Variants in NMNAT2 observed in about 807,000 individuals in gnomAD.
The protein encoded by NMNAT2 is nicotinamide/nicotinic acid mononucleotide adenylyltransferase 2.
In NMNAT2, 11 loss-of-function variants were observed where a neutral mutation model predicts 41.6. The ratio of observed to expected loss-of-function variants is 0.26; its 90% CI spans 0.17 to 0.44. The LOEUF (loss-of-function observed/expected upper bound fraction) is 0.44. Among genes scored for constraint, NMNAT2 ranks in the 20% least tolerant of loss-of-function variants. NMNAT2 has a pLI of 1.00. For synonymous variants in NMNAT2, 148 were observed against 151.2 expected (o/e 0.98, Z 0.16); for missense variants, 288 against 407.7 (o/e 0.71, Z 2.53).
chr1:183,275,599 G>A (rs1661101424), intron 8 of NMNAT2, among the ~76,000 whole-genome samples: 1 of 151,664 alleles, frequency 6.6e-6, no homozygotes, highest in Non-Finnish European at 1.5e-5. Flanking sequence ...AGCATAGCTA[G>A]GATGGGTGTC....
chr1:183,385,676 G>A (rs1648222515), intron 1 of NMNAT2, among the ~76,000 whole-genome samples: 1 of 151,702 alleles, frequency 6.6e-6, no homozygotes, highest in South Asian at 2.1e-4. Context: ...CCTCACATAT[G>A]AGATTTGGCC....
At chr1:183,307,451 T>A (rs116358745) in intron 1 of NMNAT2, among the ~76,000 whole-genome samples, 854 of 15,094 alleles carry the variant, frequency 0.057, 6 homozygotes, top group African/African-American at 0.12. Flanking sequence ...GAATGTATAT[T>A]TTTTTTTTTA....
At chr1:183,326,529 A>G (rs978088046) in intron 1 of NMNAT2, among the ~76,000 whole-genome samples, 3 of 152,158 alleles carry the variant, frequency 2.0e-5, no homozygotes, top group African/African-American at 7.2e-5. Flanking sequence ...AGCTTTCCAT[A>G]TGGAGACAGC....
intron 1 of NMNAT2, among the ~76,000 whole-genome samples, chr1:183,402,111 TG>T (rs1304427545): frequency 6.6e-6 from 1 of 152,098 alleles, no homozygotes; most frequent in Non-Finnish European, 1.5e-5. Flanking sequence ...CCCTAGAGAC[TG>T]GGTCACATAG....
chr1:183,318,015 G>A (rs1013246957), intron 1 of NMNAT2, among the ~76,000 whole-genome samples: 1 of 152,300 alleles, frequency 6.6e-6, no homozygotes, highest in East Asian at 1.9e-4. Flanking sequence ...TAGCCAAAAC[G>A]TCTGAGTGTC....
chr1:183,404,756 G>T (rs1365648657), intron 1 of NMNAT2, among the ~76,000 whole-genome samples: 1 of 152,216 alleles, frequency 6.6e-6, no homozygotes. Flanking sequence ...CCCGCTGTTG[G>T]TCTAGGGTGG....
At chr1:183,274,503 G>A (rs1449644982) in intron 8 of NMNAT2, among the ~76,000 whole-genome samples, 4 of 151,694 alleles carry the variant, frequency 2.6e-5, no homozygotes, top group South Asian at 2.1e-4. Context: ...AGTAGAGATG[G>A]GGTTTCACCA....
intron 4 of NMNAT2, 87 bp downstream of exon 4, chr1:183,290,041 C>A: frequency 9.2e-7 from 1 of 1,082,974 alleles, no homozygotes; most frequent in Non-Finnish European, 1.3e-6. Flanking sequence ...AGCACCCTCT[C>A]CTCTCCCTGC....
At chr1:183,349,227 C>T (rs936871446) in intron 1 of NMNAT2, among the ~76,000 whole-genome samples, 1 of 152,236 alleles carries the variant, frequency 6.6e-6, no homozygotes, top group African/African-American at 2.4e-5. Flanking sequence ...TTAATAACAC[C>T]ATTCTGCATG....
At chr1:183,283,085 G>A (rs967098727) in intron 7 of NMNAT2, 9 of 152,172 alleles carry the variant, frequency 5.9e-5, no homozygotes, top group Non-Finnish European at 8.8e-5. Flanking sequence ...CATCTGCCGG[G>A]TCTGTGTGAA....
chr1:183,306,830 T>C (rs1236697483), intron 1 of NMNAT2, among the ~76,000 whole-genome samples: 2 of 152,162 alleles, frequency 1.3e-5, no homozygotes, highest in Non-Finnish European at 2.9e-5. Flanking sequence ...CTGGGTGACC[T>C]TGGGTACCCA....
chr1:183,252,847 C>T (rs1042836806), intron 10 of NMNAT2, 104 bp from the exon 11 acceptor site: 2 of 806,920 alleles, frequency 2.5e-6, no homozygotes, highest in Admixed American at 2.0e-5. Flanking sequence ...AGCCTTTTCT[C>T]AGGTTGAGTA....
chr1:183,262,483 A>G (rs936930333), intron 8 of NMNAT2, among the ~76,000 whole-genome samples: 3 of 152,168 alleles, frequency 2.0e-5, no homozygotes, highest in African/African-American at 7.2e-5. Context: ...TATTTTGAGC[A>G]TTTTCTTACA....
At chr1:183,393,431 C>G (rs149962038) in intron 1 of NMNAT2, among the ~76,000 whole-genome samples, 9 of 151,894 alleles carry the variant, frequency 5.9e-5, no homozygotes, top group African/African-American at 1.9e-4. Flanking sequence ...GGAGTAAATC[C>G]TAAGTCCCCT....
chr1:183,408,348 T>A (rs746947139), intron 1 of NMNAT2, among the ~76,000 whole-genome samples: 27 of 152,228 alleles, frequency 1.8e-4, no homozygotes, highest in Non-Finnish European at 3.7e-4. Context: ...CCAATAAAAC[T>A]TTATGAATAG....
At chr1:183,280,681 C>G (rs1423155755) in intron 7 of NMNAT2, among the ~76,000 whole-genome samples, 1 of 151,862 alleles carries the variant, frequency 6.6e-6, no homozygotes, top group Non-Finnish European at 1.5e-5. Context: ...AGCCACTACA[C>G]TCGGCATGTA....
rs1431654270 is a variant in NMNAT2 at position 183,250,577 on chromosome 1, C to T, written c.*2064G>A. The T allele has an allele frequency of 6.6e-6, 1 of 152,530 alleles. No homozygotes were observed. The highest frequency in any genetic ancestry group is 2.4e-5 in the African/African-American group (1 of 41,408). The allele number at this position is 152,530 out of a possible 1,614,324, so 9.4% of individuals were successfully genotyped here. On this transcript the variant is annotated 3_prime_UTR_variant, in exon 11 of 11. Coordinates refer to ENST00000287713, the MANE Select transcript of NMNAT2 (RefSeq NM_015039.4). ...GGGAAACAATATGTTCTTGTCAGGC[C>T]CTACACCTGCTGGCTGACCTGGACC...
At chr1:183,265,768 C>A (rs12079047) in intron 8 of NMNAT2, among the ~76,000 whole-genome samples, 1 of 152,102 alleles carries the variant, frequency 6.6e-6, no homozygotes, top group Non-Finnish European at 1.5e-5. Context: ...ATAATGAACC[C>A]GAAAGATATC....
chr1:183,254,396 T>C (rs1361792226), intron 10 of NMNAT2, among the ~76,000 whole-genome samples: 1 of 152,010 alleles, frequency 6.6e-6, no homozygotes, highest in African/African-American at 2.4e-5. Context: ...TCTGGAGAGA[T>C]GTCTACTCAA....
Sources: allele counts gnomAD v4.1 joint callset (sites outside exome capture counted in the v4.1 genomes callset), GRCh38; gene constraint gnomAD v4.1.1; transcripts MANE v1.5; gene names NCBI Gene and HGNC (gene_info 2026-07-23, HGNC 2026-07-21).